The following FOXP2 variants were observed in gnomAD, a reference collection of about 807,000 sequenced individuals.
FOXP2 encodes the protein forkhead box protein P2.
In FOXP2, 12 loss-of-function variants were observed where a neutral mutation model predicts 115.8. The observed-to-expected ratio is 0.10, with a 90% CI of 0.07 to 0.17. The LOEUF (loss-of-function observed/expected upper bound fraction) is 0.17. Ranked by LOEUF, FOXP2 falls within the 10% of genes least tolerant of loss-of-function variation. The pLI is 1.00. For synonymous variants in FOXP2, 328 were observed against 297.7 expected (o/e 1.10, Z -1.05); for missense variants, 629 against 843.5 (o/e 0.75, Z 3.15).
In FOXP2 at chr7:114,628,265, T is replaced by C. The variant is rs141692087; in HGVS notation, c.259-275T>C. 3.6e-3 allele frequency among the ~76,000 whole-genome samples: 555 copies of C among 152,290 alleles called. 1 individual carries two copies. Among genetic ancestry groups the C allele is most frequent in the Non-Finnish European group, 6.0e-3 (410 of 68,022 alleles). ...CCATGTGGTTGTTTATTTTTAACTATAGATATTATAGCCGAAATTCAAATA... is the reference window on the plus strand; with the variant it reads ...CCATGTGGTTGTTTATTTTTAACTACAGATATTATAGCCGAAATTCAAATA... On this transcript the variant is annotated intron_variant, in intron 3 of 16. Transcript: ENST00000350908.
chr7:114,273,549 A>C (rs1796116370), intron 1 of FOXP2, among the ~76,000 whole-genome samples: 1 of 151,998 alleles, frequency 6.6e-6, no homozygotes, highest in Admixed American at 6.6e-5. Context: ...GGAGTGTTGA[A>C]GTTTTTAACT....
chr7:114,293,846 G>A (rs969027740), intron 2 of FOXP2, among the ~76,000 whole-genome samples: 1 of 152,010 alleles, frequency 6.6e-6, no homozygotes, highest in Admixed American at 6.6e-5. Context: ...CCCAGTTTGA[G>A]GTATTTCTTC....
At chr7:114,136,765 C>A (rs1167904518) in intron 1 of FOXP2, among the ~76,000 whole-genome samples, 2 of 151,794 alleles carry the variant, frequency 1.3e-5, no homozygotes, top group Non-Finnish European at 2.9e-5. Flanking sequence ...TTATTCATGA[C>A]TAACTTGTCT....
At chr7:114,099,155 G>GAA (rs1799717471) in intron 1 of FOXP2, among the ~76,000 whole-genome samples, 1 of 151,490 alleles carries the variant, frequency 6.6e-6, no homozygotes, top group African/African-American at 2.4e-5. Flanking sequence ...CAAACAAACA[G>GAA]AAAAAAAGCA....
intron 2 of FOXP2, among the ~76,000 whole-genome samples, chr7:114,506,539 A>C (rs1365935974): frequency 6.6e-6 from 1 of 151,596 alleles, no homozygotes; most frequent in Non-Finnish European, 1.5e-5. Context: ...ACCTCTTTGA[A>C]TAGTTATTTG....
In FOXP2 at chr7:114,350,664, A is replaced by C. The variant is rs867991121; in HGVS notation, c.-11+62555A>C. Among the ~76,000 whole-genome samples the C allele has an allele frequency of 5.9e-5, 9 of 152,244 alleles. No individual in the cohort carries two copies. The South Asian group carries it at 1.9e-3, about 32-fold the overall frequency. ...AGACCAGTAGCAACTAAGAAGGCAA[A>C]GGTTTTTGAAGGGATCCACAGAAAT... is the stretch of plus-strand genomic sequence containing the variant. On this transcript the variant is annotated intron_variant, in intron 2 of 17. Coordinates refer to the FOXP2 transcript ENST00000634411.
chr7:114,209,848 T>TC (rs1298783876), intron 1 of FOXP2, among the ~76,000 whole-genome samples: 2 of 152,206 alleles, frequency 1.3e-5, no homozygotes, highest in African/African-American at 4.8e-5. Flanking sequence ...CATTCTTTTT[T>TC]CTCTAGTGTG....
chr7:114,189,181 A>G lies in FOXP2; in HGVS notation c.-102+26093A>G, dbSNP rs368152811. On this transcript the variant is annotated intron_variant, in intron 1 of 17. Transcript: ENST00000634411. ...TATTTCATAATAACATTGTTTTAGG[A>G]TTGACTCATTTCATTACCATATATC... 2.6e-5 allele frequency among the ~76,000 whole-genome samples: 4 copies of G among 152,184 alleles called. No individual in the cohort carries two copies. In the East Asian group the frequency reaches 7.7e-4, roughly 29 times the overall value.
chr7:114,644,935 G>A, intron 8 of FOXP2, 146 bp downstream of exon 8: 1 of 622,722 alleles, frequency 1.6e-6, no homozygotes, highest in Non-Finnish European at 2.8e-6. Flanking sequence ...TCCAACAAGT[G>A]GATTAGTAAG....
intron 2 of FOXP2, among the ~76,000 whole-genome samples, chr7:114,485,892 A>C (rs1016547414): frequency 6.6e-6 from 1 of 152,168 alleles, no homozygotes; most frequent in Non-Finnish European, 1.5e-5. Context: ...CTGTAATACA[A>C]ACATGTATGG....
intron 16 of FOXP2, among the ~76,000 whole-genome samples, chr7:114,687,025 T>A (rs1231892824): frequency 6.6e-6 from 1 of 152,196 alleles, no homozygotes; most frequent in East Asian, 1.9e-4. Context: ...GGAACTTTTA[T>A]AAATGTTGTA....
intron 16 of FOXP2, among the ~76,000 whole-genome samples, chr7:114,675,776 A>G (rs1807719481): frequency 6.6e-6 from 1 of 152,166 alleles, no homozygotes; most frequent in Non-Finnish European, 1.5e-5. Context: ...TCAATGGGGA[A>G]CATATGACTA....
At chr7:114,187,928 T>G (rs1340224924) in intron 1 of FOXP2, among the ~76,000 whole-genome samples, 1 of 152,164 alleles carries the variant, frequency 6.6e-6, no homozygotes, top group Non-Finnish European at 1.5e-5. Context: ...TCACCCTTTT[T>G]TAATAGTATC....
rs78461047 is a variant in FOXP2 at position 114,326,971 on chromosome 7, A to G, written c.-11+38862A>G. Among the ~76,000 whole-genome samples, 778 of 152,290 alleles carry G rather than the reference A, an allele frequency of 5.1e-3. 9 individuals carry two copies. The highest frequency in any genetic ancestry group is 0.017 in the African/African-American group (716 of 41,558). ...TTCTTTCTCAAGGGCTTTACATAGGATAGATTACTGTCTCCTGCACCTCAC... is the reference window on the plus strand; with the variant it reads ...TTCTTTCTCAAGGGCTTTACATAGGGTAGATTACTGTCTCCTGCACCTCAC... On this transcript the variant is annotated intron_variant, in intron 2 of 17. Coordinates refer to the FOXP2 transcript ENST00000634411.
intron 1 of FOXP2, among the ~76,000 whole-genome samples, chr7:114,230,972 G>T (rs577952914): frequency 1.4e-5 from 1 of 71,744 alleles, no homozygotes; most frequent in Non-Finnish European, 2.7e-5. Flanking sequence ...AAACCCTAAA[G>T]ATTACACACA....
At chr7:114,288,177 T>C (rs962671619) in intron 2 of FOXP2, 1 of 432,434 alleles carries the variant, frequency 2.3e-6, no homozygotes, top group Non-Finnish European at 4.6e-6. Flanking sequence ...TAATGCTGAT[T>C]TTACTCTTTA....
chr7:114,270,738 A>G (rs1463833074), intron 1 of FOXP2, among the ~76,000 whole-genome samples: 1 of 152,080 alleles, frequency 6.6e-6, no homozygotes, highest in Non-Finnish European at 1.5e-5. Context: ...TCTGTTGCAC[A>G]TATTTTCTCC....
chr7:114,451,661 A>T (rs1428433247), intron 2 of FOXP2, among the ~76,000 whole-genome samples: 5 of 152,094 alleles, frequency 3.3e-5, no homozygotes. Context: ...GTGATGGAGA[A>T]AGTACATCAT....
intron 1 of FOXP2, among the ~76,000 whole-genome samples, chr7:114,117,042 T>A (rs932203714): frequency 4.6e-5 from 7 of 152,072 alleles, no homozygotes; most frequent in Non-Finnish European, 1.0e-4. Flanking sequence ...TCCAAGTAAC[T>A]CTTTCCTTAA....
Sources: gnomAD v4.1 joint callset for allele counts (sites outside exome capture counted in the v4.1 genomes callset) on GRCh38, gnomAD v4.1.1 for gene constraint, MANE v1.5 for transcripts, NCBI Gene and HGNC (gene_info 2026-07-23, HGNC 2026-07-21) for gene names.